The following IL1RAP variants were observed in gnomAD, a reference collection of about 807,000 sequenced individuals.
The protein encoded by IL1RAP is interleukin 1 receptor accessory protein.
Under a neutral mutation model 60.7 loss-of-function variants are expected in IL1RAP, and 35 were observed. That is an observed-to-expected ratio of 0.58 (90% CI 0.44 to 0.76). The LOEUF is 0.76. IL1RAP is among the 30% of genes least tolerant of loss of function. The probability of loss-of-function intolerance (pLI) is 0.00; values close to 1 mark genes in which losing one functional copy is unlikely to be tolerated. For missense variants in IL1RAP, 572 were observed against 693.9 expected, an observed-to-expected ratio of 0.82 and a Z score of 1.97; for synonymous variants, 268 against 250.9, an observed-to-expected ratio of 1.07 and a Z score of -0.64.
intron 7 of IL1RAP, among the ~76,000 whole-genome samples, chr3:190,626,965 T>C (rs1164445437): frequency 1.3e-5 from 2 of 152,152 alleles, no homozygotes; most frequent in African/African-American, 2.4e-5. Context: ...CCACTATGCC[T>C]AGCCTTGTCA....
chr3:190,571,760 G>A (rs150103099), intron 3 of IL1RAP, among the ~76,000 whole-genome samples: 72 of 152,192 alleles, frequency 4.7e-4, no homozygotes, highest in African/African-American at 1.3e-3. Flanking sequence ...CGTGGCCCGC[G>A]GGCCACATGA....
At chr3:190,659,298 T>C (rs1734708086) in exon 12 of IL1RAP, 1 of 152,218 alleles carries the variant, frequency 6.6e-6, no homozygotes, top group Non-Finnish European at 1.5e-5. Flanking sequence ...TTTGGTGCTC[T>C]CAAAACTACA....
At chr3:190,523,773 G>A (rs750834840) in intron 1 of IL1RAP, among the ~76,000 whole-genome samples, 3 of 152,104 alleles carry the variant, frequency 2.0e-5, no homozygotes, top group African/African-American at 4.8e-5. Flanking sequence ...TACCAATGAC[G>A]GGCATTTAGG....
At chr3:190,639,169 T>C (rs1208571715) in intron 9 of IL1RAP, among the ~76,000 whole-genome samples, 1 of 152,168 alleles carries the variant, frequency 6.6e-6, no homozygotes, top group Non-Finnish European at 1.5e-5. Context: ...TATTTTTCCT[T>C]TACTGTGAAC....
chr3:190,563,521 A>G (rs1339184886), intron 2 of IL1RAP: 1 of 152,186 alleles, frequency 6.6e-6, no homozygotes, highest in Non-Finnish European at 1.5e-5. Context: ...ATTAAATATC[A>G]TGCAACCAAA....
At chr3:190,628,192 C>T (rs919076999) in intron 8 of IL1RAP, among the ~76,000 whole-genome samples, 9 of 152,134 alleles carry the variant, frequency 5.9e-5, no homozygotes, top group African/African-American at 2.2e-4. Context: ...GCAAATGAAG[C>T]ATACCATTAC....
At chr3:190,657,007 G>A (rs1021180443) in exon 12 of IL1RAP, 3 of 155,794 alleles carry the variant, frequency 1.9e-5, no homozygotes, top group African/African-American at 4.8e-5. Context: ...TTCCCAGGGA[G>A]CAGCATGGAA....
intron 3 of IL1RAP, among the ~76,000 whole-genome samples, chr3:190,592,929 A>G (rs888887082): frequency 6.6e-6 from 1 of 151,934 alleles, no homozygotes; most frequent in African/African-American, 2.4e-5. Flanking sequence ...TGCCACTTCA[A>G]ATTGATATGA....
rs151144431 is a variant in IL1RAP, at chr3:190,586,151, C to A, written c.65-17977C>A. Among the ~76,000 whole-genome samples, 4 of 152,276 alleles carry A rather than the reference C, an allele frequency of 2.6e-5. No individual in the cohort carries two copies. In the South Asian group the frequency reaches 8.3e-4, roughly 32 times the overall value. On this transcript the variant is annotated intron_variant, in intron 3 of 11. Transcript: ENST00000447382. Reference sequence around the variant, plus strand: ...CATCTTGAAGTCCGAATTAAAAGTGCCTTCTGCCCTCCTATGACACGTTGC... The same window carrying A: ...CATCTTGAAGTCCGAATTAAAAGTGACTTCTGCCCTCCTATGACACGTTGC...
chr3:190,572,859 G>GTTTTTTTTT (rs1200775636), intron 3 of IL1RAP, among the ~76,000 whole-genome samples: 463 of 39,022 alleles, frequency 0.012, 101 homozygotes, highest in East Asian at 0.027. Context: ...TTAATGCTTT[G>GTTTTTTTTT]TTTTTTTTTT....
At chr3:190,534,265 C>G (rs1231206285) in intron 1 of IL1RAP, among the ~76,000 whole-genome samples, 1 of 143,726 alleles carries the variant, frequency 7.0e-6, no homozygotes. Context: ...TAATCTCCAG[C>G]CCACTTCATT....
intron 5 of IL1RAP, among the ~76,000 whole-genome samples, chr3:190,619,384 A>G (rs1381128935): frequency 6.6e-6 from 1 of 152,178 alleles, no homozygotes; most frequent in Non-Finnish European, 1.5e-5. Flanking sequence ...GATCTTGATC[A>G]GGCCCATGAA....
At chr3:190,557,515 T>A (rs1725526512) in intron 2 of IL1RAP, among the ~76,000 whole-genome samples, 1 of 152,182 alleles carries the variant, frequency 6.6e-6, no homozygotes, top group South Asian at 2.1e-4. Flanking sequence ...AATGTTTTCT[T>A]ATGAACTTTG....
chr3:190,579,463 T>A (rs1240627193), intron 3 of IL1RAP, among the ~76,000 whole-genome samples: 1 of 152,110 alleles, frequency 6.6e-6, no homozygotes, highest in Non-Finnish European at 1.5e-5. Flanking sequence ...GATTAGGTGG[T>A]TTAGACGTAG....
At chr3:190,631,673 C>T (rs892627271) in intron 9 of IL1RAP, among the ~76,000 whole-genome samples, 7 of 152,148 alleles carry the variant, frequency 4.6e-5, no homozygotes, top group African/African-American at 1.7e-4. Flanking sequence ...CAAGAAAAGA[C>T]TAAGGCCTGG....
chr3:190,618,104 C>T (rs1416316418), intron 5 of IL1RAP, among the ~76,000 whole-genome samples: 1 of 152,200 alleles, frequency 6.6e-6, no homozygotes, highest in East Asian at 1.9e-4. Context: ...TTCACTCAGG[C>T]TGGCTCCAGG....
chr3:190,650,281 A>G lies in IL1RAP; in HGVS notation c.*1576A>G. On this transcript the variant is annotated 3_prime_UTR_variant, in exon 12 of 12. Transcript: ENST00000447382. ...TCTTGCCTTCCCTAAGTTTATATAA[A>G]TAACTTAAGTATTGCTACAGTTTAT... 1.0e-6 allele frequency: 1 copy of G among 985,092 alleles called. No individual in the cohort carries two copies. Among genetic ancestry groups the G allele is most frequent in the Non-Finnish European group, 1.2e-6 (1 of 829,614 alleles). 61.0% of individuals were successfully genotyped at this position (985,092 alleles called of 1,614,324 possible).
intron 9 of IL1RAP, among the ~76,000 whole-genome samples, chr3:190,641,712 G>A (rs1278152665): frequency 6.6e-6 from 1 of 152,172 alleles, no homozygotes; most frequent in Non-Finnish European, 1.5e-5. Context: ...GGTACGTGCA[G>A]CCAGCAACAA....
intron 1 of IL1RAP, among the ~76,000 whole-genome samples, chr3:190,515,100 G>C (rs1283684585): frequency 6.6e-6 from 1 of 152,190 alleles, no homozygotes; most frequent in Non-Finnish European, 1.5e-5. Flanking sequence ...CTGCTGTACA[G>C]ATCCCTGGTT....
Sources: allele counts gnomAD v4.1 joint callset (sites outside exome capture counted in the v4.1 genomes callset), GRCh38; gene constraint gnomAD v4.1.1; transcripts MANE v1.5; gene names NCBI Gene and HGNC (gene_info 2026-07-23, HGNC 2026-07-21).